Variants in LRRC49 observed in about 807,000 individuals in gnomAD.
LRRC49 encodes leucine rich repeat containing 49.
Under a neutral mutation model 83.3 loss-of-function variants are expected in LRRC49, and 50 were observed. That is an observed-to-expected ratio of 0.60 (90% CI 0.48 to 0.76). The LOEUF is 0.76. LRRC49 is among the 30% of genes least tolerant of loss of function. The pLI is 0.00. For synonymous variants in LRRC49, 286 were observed against 283.3 expected (o/e 1.01, Z -0.10); for missense variants, 704 against 809.1 (o/e 0.87, Z 1.58).
intron 8 of LRRC49, among the ~76,000 whole-genome samples, chr15:70,963,437 A>G (rs2141198254): frequency 1.3e-5 from 2 of 152,248 alleles, no homozygotes; most frequent in Middle Eastern, 6.8e-3. Context: ...AAATTGTCAC[A>G]GCCAAGAGGA....
intron 7 of LRRC49, among the ~76,000 whole-genome samples, chr15:70,923,686 G>C (rs933168868): frequency 5.3e-5 from 8 of 151,712 alleles, no homozygotes; most frequent in Admixed American, 4.6e-4. Context: ...TTCAGAAAAT[G>C]TTGTAATAAT....
At chr15:71,030,445 A>C (rs1220519959) in intron 14 of LRRC49, among the ~76,000 whole-genome samples, 1 of 152,144 alleles carries the variant, frequency 6.6e-6, no homozygotes, top group African/African-American at 2.4e-5. Flanking sequence ...GGCTGCCCTT[A>C]ACATTTTTTC....
At chr15:71,024,683 C>T (rs1292437669) in intron 14 of LRRC49, among the ~76,000 whole-genome samples, 2 of 151,532 alleles carry the variant, frequency 1.3e-5, no homozygotes, top group African/African-American at 4.9e-5. Context: ...ATTGAAAACT[C>T]AAAAAGCTAG....
intron 7 of LRRC49, among the ~76,000 whole-genome samples, chr15:70,925,748 T>C (rs989386410): frequency 2.0e-5 from 3 of 152,192 alleles, no homozygotes; most frequent in Non-Finnish European, 4.4e-5. Flanking sequence ...GTGAAAAGCA[T>C]GGACATTATT....
intron 7 of LRRC49, among the ~76,000 whole-genome samples, chr15:70,922,237 T>C (rs544381442): frequency 1.9e-4 from 29 of 152,300 alleles, no homozygotes; most frequent in African/African-American, 6.7e-4. Flanking sequence ...CTATGTTTGT[T>C]GCAGCACTGT....
Position 70,997,020 on chromosome 15 carries a change from A to G in LRRC49, c.1170-11359A>G, listed in dbSNP as rs139620788. Among the ~76,000 whole-genome samples the G allele has an allele frequency of 1.8e-3, 273 of 152,252 alleles. 1 individual carries two copies. The highest frequency in any genetic ancestry group is 6.4e-3 in the African/African-American group (266 of 41,566). On this transcript the variant is annotated intron_variant, in intron 11 of 15. Transcript: ENST00000260382. ...CCATGCGTACTTGAGAAGAATATGT[A>G]TTCTGTTGCTGGGTGGGGTTTTCTA... is the stretch of plus-strand genomic sequence containing the variant.
chr15:70,871,037 C>G (rs548980285), intron 1 of LRRC49, among the ~76,000 whole-genome samples: 442 of 149,168 alleles, frequency 3.0e-3, no homozygotes, highest in Admixed American at 0.012. Context: ...AATAGTGGAG[C>G]GAAGGTCAGC....
At chr15:70,941,485 G>A (rs2035811618) in intron 8 of LRRC49, among the ~76,000 whole-genome samples, 3 of 150,862 alleles carry the variant, frequency 2.0e-5, no homozygotes, top group African/African-American at 4.9e-5. Context: ...ATGGGGCAGG[G>A]GTAGTAGAGA....
chr15:70,917,408 C>T (rs1385767521), intron 6 of LRRC49, among the ~76,000 whole-genome samples: 1 of 152,222 alleles, frequency 6.6e-6, no homozygotes, highest in Non-Finnish European at 1.5e-5. Flanking sequence ...CATAAAAGCC[C>T]TGGACTCAGC....
At chr15:71,021,848 C>T (rs1292452806) in intron 14 of LRRC49, among the ~76,000 whole-genome samples, 3 of 152,200 alleles carry the variant, frequency 2.0e-5, no homozygotes, top group African/African-American at 7.2e-5. Context: ...AAAGCAGAAA[C>T]ATGCAAGGCC....
intron 6 of LRRC49, among the ~76,000 whole-genome samples, 179 bp downstream of exon 6, chr15:70,911,777 C>A (rs937582687): frequency 1.3e-5 from 2 of 152,172 alleles, no homozygotes; most frequent in African/African-American, 4.8e-5. Context: ...CAGTACATGA[C>A]AGATACAGCT....
intron 14 of LRRC49, among the ~76,000 whole-genome samples, chr15:71,019,234 C>T (rs555308016): frequency 1.6e-4 from 24 of 152,276 alleles, no homozygotes; most frequent in Non-Finnish European, 2.9e-4. Context: ...GGAGGTCCCA[C>T]CCCTCTAATT....
chr15:70,854,150 C>A, intron 1 of LRRC49: 2 of 1,167,048 alleles, frequency 1.7e-6, no homozygotes, highest in Non-Finnish European at 2.1e-6. Context: ...AGCCGGTCGG[C>A]AGCGACTGCG....
intron 14 of LRRC49, among the ~76,000 whole-genome samples, chr15:71,023,644 G>C (rs1184502918): frequency 6.6e-6 from 1 of 152,216 alleles, no homozygotes; most frequent in Non-Finnish European, 1.5e-5. Flanking sequence ...GGGAGGCATT[G>C]AGTGATTGTG....
chr15:70,912,625 A>G (rs2034594881), intron 6 of LRRC49, among the ~76,000 whole-genome samples: 1 of 151,592 alleles, frequency 6.6e-6, no homozygotes, highest in Non-Finnish European at 1.5e-5. Context: ...AATTATGTTC[A>G]ATTTGTCTAT....
At chr15:70,880,925 A>G (rs2033249658) in intron 2 of LRRC49, among the ~76,000 whole-genome samples, 1 of 152,234 alleles carries the variant, frequency 6.6e-6, no homozygotes, top group Non-Finnish European at 1.5e-5. Flanking sequence ...TTTAAAACAT[A>G]ATGCTCTCTT....
chr15:70,888,708 T>A (rs141895817), upstream of LRRC49, among the ~76,000 whole-genome samples: 12 of 152,098 alleles, frequency 7.9e-5, no homozygotes, highest in East Asian at 2.3e-3. Context: ...ATAAAAACAT[T>A]TAACTGAAAA....
chr15:70,885,931 T>C (rs796928668), intron 2 of LRRC49, among the ~76,000 whole-genome samples: 8 of 152,310 alleles, frequency 5.3e-5, no homozygotes, highest in African/African-American at 1.9e-4. Flanking sequence ...ATTTTGAGCA[T>C]GTTACAAGTT....
At position 70,892,912 on chromosome 15, in the gene LRRC49, T is replaced by C; in HGVS notation, c.18T>C (p.Tyr6=). The change falls in exon 1 of 16, where the codon TAT becomes TAC. Residue 6 remains tyrosine (Y), a synonymous_variant. Transcript: ENST00000260382. ...CTCCTATCATGATTCCCGGGAAATA[T>C]CGCTCTGTTTCTGGCCGGGCTGCGA... MIPGK[Y]RSVSGRAANN... 1 of 1,614,210 alleles carries C rather than the reference T, an allele frequency of 6.2e-7. No individual in the cohort carries two copies. Among genetic ancestry groups the C allele is most frequent in the African/African-American group, 1.3e-5 (1 of 75,054 alleles).
Sources: allele counts gnomAD v4.1 joint callset (sites outside exome capture counted in the v4.1 genomes callset), GRCh38; gene constraint gnomAD v4.1.1; transcripts MANE v1.5; gene names NCBI Gene and HGNC (gene_info 2026-07-23, HGNC 2026-07-21).